Variants in TCERG1L observed in about 807,000 individuals in gnomAD.
TCERG1L encodes the protein transcription elongation regulator 1 like.
TCERG1L carries 37 observed loss-of-function variants against 56.3 expected under a neutral mutation model. The ratio of observed to expected loss-of-function variants is 0.66; its 90% CI spans 0.51 to 0.87. The LOEUF (loss-of-function observed/expected upper bound fraction) is 0.87. Ranked by LOEUF, TCERG1L falls within the 40% of genes least tolerant of loss-of-function variation. The probability of loss-of-function intolerance (pLI) is 0.00; values close to 1 mark genes in which losing one functional copy is unlikely to be tolerated. For synonymous variants in TCERG1L, 324 were observed against 326.3 expected, an observed-to-expected ratio of 0.99 and a Z score of 0.08; for missense variants, 799 against 774.2, an observed-to-expected ratio of 1.03 and a Z score of -0.38.
intron 7 of TCERG1L, among the ~76,000 whole-genome samples, chr10:131,140,524 G>A (rs1231148106): frequency 6.6e-6 from 1 of 152,200 alleles, no homozygotes; most frequent in East Asian, 1.9e-4. Flanking sequence ...CCCAGGTCAC[G>A]CCTTAACCTC....
At chr10:131,162,941 T>G in intron 6 of TCERG1L, 181 bp downstream of exon 6, 1 of 523,106 alleles carries the variant, frequency 1.9e-6, no homozygotes, top group Non-Finnish European at 3.4e-6. Context: ...TTAAATGCTG[T>G]TTTTTTCTTT....
chr10:131,275,138 G>A (rs763061723), intron 3 of TCERG1L, among the ~76,000 whole-genome samples: 17 of 152,284 alleles, frequency 1.1e-4, no homozygotes, highest in African/African-American at 3.4e-4. Flanking sequence ...CCTGGCAGCC[G>A]GGCCTCCTCC....
At chr10:131,204,939 G>A (rs1028856623) in intron 4 of TCERG1L, among the ~76,000 whole-genome samples, 2 of 152,112 alleles carry the variant, frequency 1.3e-5, no homozygotes, top group Non-Finnish European at 2.9e-5. Context: ...TGACCATGGG[G>A]TCAGGGCTCA....
At chr10:131,211,154 C>G (rs915434984) in intron 4 of TCERG1L, among the ~76,000 whole-genome samples, 1 of 152,208 alleles carries the variant, frequency 6.6e-6, no homozygotes, top group Admixed American at 6.5e-5. Context: ...TGGTGGGGCA[C>G]GGTCAGGGCC....
At chr10:131,261,141 TC>T (rs1324875020) in intron 3 of TCERG1L, among the ~76,000 whole-genome samples, 1 of 152,218 alleles carries the variant, frequency 6.6e-6, no homozygotes, top group Admixed American at 6.5e-5. Flanking sequence ...AAGCTTGGAA[TC>T]AGGCATCTTT....
At chr10:131,177,244 TACAC>T (rs1263257001) in intron 4 of TCERG1L, among the ~76,000 whole-genome samples, 17 of 140,392 alleles carry the variant, frequency 1.2e-4, no homozygotes, top group Admixed American at 7.2e-5. Context: ...ACATGTACAC[TACAC>T]ACACACAGGC....
chr10:131,146,602 A>C lies in TCERG1L; in HGVS notation c.1093T>G (p.Ser365Ala). The C allele has an allele frequency of 6.2e-7, 1 of 1,613,850 alleles. No individual in the cohort carries two copies. The highest frequency in any genetic ancestry group is 8.5e-7 in the Non-Finnish European group (1 of 1,179,844). ...VFFFNPTMHL[S>A]VWEKPMDLKD... ...AGGTCCATGGGCTTCTCCCAGACAG[A>C]CAGGTGCATCGTTGGGTTGAAGAAG... Residue 365 changes from serine (S) to alanine (A), a missense_variant, in exon 7 of 12, where the codon TCT becomes GCT. Ser to Ala is a moderately conservative substitution (Grantham distance 99). Transcript: ENST00000368642.
Position 131,260,216 on chromosome 10 carries a change from C to A in TCERG1L, c.856+43G>T. The A allele has an allele frequency of 7.5e-7, 1 of 1,330,452 alleles. No individual in the cohort carries two copies. The highest frequency in any genetic ancestry group is 2.9e-5 in the East Asian group (1 of 34,374). 82.4% of individuals were successfully genotyped at this position (1,330,452 alleles called of 1,614,324 possible). ...TCTAACCAGGAAGCCTCCGCGCGCT[C>A]GCTAAGGCAGCACCAGGCGTCGGGA... is the stretch of plus-strand genomic sequence containing the variant. On this transcript the variant is annotated intron_variant, in intron 4 of 11. Coordinates refer to ENST00000368642, the MANE Select transcript of TCERG1L (RefSeq NM_174937.4). The surrounding 1 kb of genome is among the most constrained non-coding windows in gnomAD (Gnocchi z 5.8).
intron 4 of TCERG1L, among the ~76,000 whole-genome samples, chr10:131,188,461 G>C (rs1845269685): frequency 1.3e-5 from 2 of 152,112 alleles, no homozygotes. Flanking sequence ...TAAAACAAAA[G>C]GCCAATATTT....
chr10:131,152,541 A>C (rs1457938618), intron 6 of TCERG1L, among the ~76,000 whole-genome samples: 1 of 152,130 alleles, frequency 6.6e-6, no homozygotes, highest in Non-Finnish European at 1.5e-5. Context: ...GAGCCCTCCA[A>C]GTCTCTAGGA....
intron 4 of TCERG1L, among the ~76,000 whole-genome samples, chr10:131,206,990 C>T (rs1435779250): frequency 6.6e-6 from 1 of 152,036 alleles, no homozygotes; most frequent in Non-Finnish European, 1.5e-5. Flanking sequence ...CCTTTCTTGG[C>T]GTCCCCGTGG....
At chr10:131,160,750 GA>G (rs1192297588) in intron 6 of TCERG1L, 1 of 152,264 alleles carries the variant, frequency 6.6e-6, no homozygotes, top group Non-Finnish European at 1.5e-5. Flanking sequence ...CATCGGCAAA[GA>G]CCCACGCCGA....
intron 4 of TCERG1L, among the ~76,000 whole-genome samples, chr10:131,258,972 A>T (rs2280200): frequency 0.34 from 52,022 of 152,096 alleles, 9,716 homozygotes; most frequent in East Asian, 0.58. Context: ...GCTGTAATTT[A>T]TGTTCCACAC....
intron 4 of TCERG1L, among the ~76,000 whole-genome samples, chr10:131,167,525 T>C (rs1207501829): frequency 2.0e-5 from 3 of 152,164 alleles, no homozygotes; most frequent in Non-Finnish European, 1.5e-5. Flanking sequence ...GCCACGTGGG[T>C]CACAGATGAA....
At chr10:131,132,946 C>T (rs1316704380) in intron 8 of TCERG1L, among the ~76,000 whole-genome samples, 2 of 152,204 alleles carry the variant, frequency 1.3e-5, no homozygotes, top group Admixed American at 6.5e-5. Flanking sequence ...TGGGGCCAGG[C>T]GGCAGGAGCA....
At chr10:131,138,130 G>A (rs190084047) in intron 7 of TCERG1L, among the ~76,000 whole-genome samples, 43 of 152,304 alleles carry the variant, frequency 2.8e-4, no homozygotes, top group African/African-American at 8.9e-4. Flanking sequence ...TTAGCCGGGT[G>A]TGGTGGCACA....
intron 8 of TCERG1L, among the ~76,000 whole-genome samples, chr10:131,123,127 C>A (rs1011891005): frequency 8.5e-5 from 13 of 152,156 alleles, no homozygotes; most frequent in African/African-American, 3.1e-4. Flanking sequence ...TGCATGGGGC[C>A]CCTTGGTTAG....
intron 9 of TCERG1L, among the ~76,000 whole-genome samples, chr10:131,105,329 T>C (rs1468571490): frequency 6.6e-6 from 1 of 152,174 alleles, no homozygotes; most frequent in East Asian, 1.9e-4. Context: ...AGTCCCCCTC[T>C]CCATGCTGTC....
intron 4 of TCERG1L, among the ~76,000 whole-genome samples, chr10:131,233,907 C>G (rs1288155562): frequency 6.6e-6 from 1 of 152,114 alleles, no homozygotes; most frequent in African/African-American, 2.4e-5. Context: ...TCTGGACAGA[C>G]TAGATTATTT....
Sources: allele counts gnomAD v4.1 joint callset (sites outside exome capture counted in the v4.1 genomes callset), GRCh38; gene constraint gnomAD v4.1.1; non-coding constraint Gnocchi (gnomAD v3.1); transcripts MANE v1.5; gene names NCBI Gene and HGNC (gene_info 2026-07-23, HGNC 2026-07-21).